Variants in EPSTI1 observed in about 807,000 individuals in gnomAD.
EPSTI1 encodes epithelial-stromal interaction protein 1.
In EPSTI1, 66 loss-of-function variants were observed where a neutral mutation model predicts 49.9. The observed-to-expected ratio is 1.32, with a 90% confidence interval of 1.08 to 1.62. The LOEUF (loss-of-function observed/expected upper bound fraction) is 1.62. EPSTI1 is among the 40% of genes most tolerant of loss of function. The pLI, the probability that EPSTI1 is intolerant of heterozygous loss-of-function variation, is 0.00. For synonymous variants in EPSTI1, 137 were observed against 130.7 expected (o/e 1.05, Z -0.33); for missense variants, 394 against 365.5 (o/e 1.08, Z -0.64).
At chr13:42,948,166 C>T (rs1441238303) in intron 6 of EPSTI1, among the ~76,000 whole-genome samples, 6 of 152,252 alleles carry the variant, frequency 3.9e-5, no homozygotes, top group African/African-American at 1.2e-4. Flanking sequence ...AGGGTTAGGC[C>T]GGGAGGCCCA....
intron 5 of EPSTI1, among the ~76,000 whole-genome samples, chr13:42,958,014 T>C (rs528318818): frequency 6.6e-6 from 1 of 152,338 alleles, no homozygotes; most frequent in South Asian, 2.1e-4. Flanking sequence ...TCAAGCAATC[T>C]TTCCTTCTTG....
intron 6 of EPSTI1, among the ~76,000 whole-genome samples, chr13:42,940,103 T>C (rs181123542): frequency 3.1e-3 from 468 of 152,370 alleles, no homozygotes; most frequent in African/African-American, 0.011. Context: ...CTCTGTGCCA[T>C]GGCCTGTGTG....
In EPSTI1 at chr13:42,888,158, G is replaced by T; in HGVS notation, c.*336C>A. ...AAGAATATGTCACTTAGAAAGACAA[G>T]CCTGTAGCACCCATAGCTCTGATTA... On this transcript the variant is annotated 3_prime_UTR_variant, in exon 11 of 11. Transcript: ENST00000313624. The T allele has an allele frequency of 7.0e-7, 1 of 1,426,446 alleles. No homozygotes were observed. The highest frequency in any genetic ancestry group is 1.4e-5 in the African/African-American group (1 of 70,342). The allele number at this position is 1,426,446 out of a possible 1,614,324, so 88.4% of individuals were successfully genotyped here.
intron 7 of EPSTI1, among the ~76,000 whole-genome samples, chr13:42,920,225 A>T (rs536493965): frequency 6.6e-6 from 1 of 152,194 alleles, no homozygotes; most frequent in African/African-American, 2.4e-5. Context: ...GTGGGTCTCA[A>T]CCCATGACAA....
chr13:42,984,791 T>C (rs1007643977), intron 1 of EPSTI1, among the ~76,000 whole-genome samples: 8 of 152,196 alleles, frequency 5.3e-5, no homozygotes, highest in Admixed American at 5.2e-4. Flanking sequence ...TTTCCTTCCC[T>C]CAAGCATAAC....
In EPSTI1 at chr13:42,887,737, T is replaced by C. The variant is rs1228103912; in HGVS notation, c.*757A>G. 2.0e-5 allele frequency: 3 copies of C among 152,292 alleles called. No individual in the cohort carries two copies. Among genetic ancestry groups the C allele is most frequent in the African/African-American group, 7.2e-5 (3 of 41,466 alleles). The allele number at this position is 152,292 out of a possible 1,614,324, so 9.4% of individuals were successfully genotyped here. On this transcript the variant is annotated 3_prime_UTR_variant, in exon 11 of 11. Coordinates refer to ENST00000313624, the MANE Select transcript of EPSTI1 (RefSeq NM_033255.5). ...AGAAAAAACAAGTTTCTGAAACATG[T>C]ACAAACTACATATGATGTCTATATT...
chr13:42,890,211 C>T (rs1345266993), intron 10 of EPSTI1, among the ~76,000 whole-genome samples: 1 of 151,890 alleles, frequency 6.6e-6, no homozygotes, highest in African/African-American at 2.4e-5. Flanking sequence ...TTTGAGAGCT[C>T]ATTCCTATCT....
chr13:42,941,852 G>A (rs893294514), intron 6 of EPSTI1, among the ~76,000 whole-genome samples: 1 of 151,522 alleles, frequency 6.6e-6, no homozygotes, highest in African/African-American at 2.4e-5. Context: ...TTCATATATT[G>A]GGTACATTTT....
chr13:42,955,963 T>C (rs577333842), intron 5 of EPSTI1, among the ~76,000 whole-genome samples: 1 of 152,036 alleles, frequency 6.6e-6, no homozygotes, highest in South Asian at 2.1e-4. Context: ...ATGCCTGTTA[T>C]ATGCTCGGTA....
intron 9 of EPSTI1, among the ~76,000 whole-genome samples, chr13:42,898,508 C>T (rs2037260398): frequency 6.6e-6 from 1 of 152,096 alleles, no homozygotes; most frequent in African/African-American, 2.4e-5. Flanking sequence ...AGTTTATTAT[C>T]TAGAAAAATC....
rs1424659870 is a variant in EPSTI1 at position 42,922,956 on chromosome 13, T to C, written c.657+3380A>G. On this transcript the variant is annotated intron_variant, in intron 7 of 10. Coordinates refer to ENST00000313624, the MANE Select transcript of EPSTI1 (RefSeq NM_033255.5). This position sits in a 1 kb window ranked among gnomAD's most constrained non-coding sequence, Gnocchi z 4.8. Reference sequence around the variant, plus strand: ...TGATCTGCATCTAAATCTTTGCTCCTGATTTCAAAAGCTTTGCTTCCCCTT... The same window carrying C: ...TGATCTGCATCTAAATCTTTGCTCCCGATTTCAAAAGCTTTGCTTCCCCTT... Among the ~76,000 whole-genome samples the C allele has an allele frequency of 6.6e-6, 1 of 152,222 alleles. No individual in the cohort carries two copies. The highest frequency in any genetic ancestry group is 1.5e-5 in the Non-Finnish European group (1 of 68,034).
chr13:42,950,668 A>AAATACC, intron 6 of EPSTI1, among the ~76,000 whole-genome samples: 1 of 152,356 alleles, frequency 6.6e-6, no homozygotes, highest in East Asian at 1.9e-4. Flanking sequence ...ACAGAAAAAA[A>AAATACC]ATACCATTCC....
At chr13:42,935,385 C>T (rs1353328920) in intron 6 of EPSTI1, among the ~76,000 whole-genome samples, 1 of 152,164 alleles carries the variant, frequency 6.6e-6, no homozygotes, top group East Asian at 1.9e-4. Context: ...AAATCTCAAA[C>T]CTAGATCAAG....
At chr13:42,925,514 T>C (rs2038143671) in intron 7 of EPSTI1, among the ~76,000 whole-genome samples, 1 of 152,144 alleles carries the variant, frequency 6.6e-6, no homozygotes, top group African/African-American at 2.4e-5. Flanking sequence ...GGCCTAGGGA[T>C]ACTAAGCATC....
intron 6 of EPSTI1, among the ~76,000 whole-genome samples, chr13:42,951,987 C>T (rs548881929): frequency 6.6e-6 from 1 of 152,140 alleles, no homozygotes; most frequent in Non-Finnish European, 1.5e-5. Context: ...GATTGTAAAA[C>T]GCACCAATCA....
Position 42,926,399 on chromosome 13 carries a change from G to C in EPSTI1, c.594C>G (p.Asn198Lys). The change falls in exon 7 of 11, where the codon AAC becomes AAG. Residue 198 changes from asparagine to lysine, a missense_variant. Transcript: ENST00000313624. ...YKTAEFLSKL[N>K]TESPDRSACQ... ...AGGCACTTCTGTCTGGCGATTCTGT[G>C]TTCAGTTTGCTCAAGAACTCAGCGG... The C allele has an allele frequency of 6.2e-7, 1 of 1,613,630 alleles. No individual in the cohort carries two copies. The highest frequency in any genetic ancestry group is 8.5e-7 in the Non-Finnish European group (1 of 1,179,530).
chr13:42,968,449 C>T (rs949569649), intron 3 of EPSTI1, among the ~76,000 whole-genome samples: 3 of 151,970 alleles, frequency 2.0e-5, no homozygotes, highest in Non-Finnish European at 2.9e-5. Flanking sequence ...TTTAAATTTT[C>T]GGCTGCTGAT....
intron 7 of EPSTI1, among the ~76,000 whole-genome samples, chr13:42,921,445 A>G (rs2037990298): frequency 6.6e-6 from 1 of 152,232 alleles, no homozygotes; most frequent in African/African-American, 2.4e-5. Context: ...AAGGACCTGA[A>G]CATGTTTACC....
chr13:42,911,264 T>TGTGTGCGC (rs549150890), intron 8 of EPSTI1, among the ~76,000 whole-genome samples: 22,541 of 148,296 alleles, frequency 0.15, 1,900 homozygotes, highest in East Asian at 0.34. Flanking sequence ...TGTGTGTGTG[T>TGTGTGCGC]GCGCGCGCAC....
Sources: allele counts gnomAD v4.1 joint callset (sites outside exome capture counted in the v4.1 genomes callset), GRCh38; gene constraint gnomAD v4.1.1; non-coding constraint Gnocchi (gnomAD v3.1); transcripts MANE v1.5; gene names NCBI Gene and HGNC (gene_info 2026-07-23, HGNC 2026-07-21).